NFATC1: variants seen among roughly 807,000 people sequenced by gnomAD.
NFATC1 encodes the protein nuclear factor of activated T-cells, cytoplasmic 1.
A neutral mutation model predicts 76.0 loss-of-function variants in NFATC1; 22 were observed. The ratio of observed to expected loss-of-function variants is 0.29; its 90% confidence interval spans 0.21 to 0.41. The LOEUF is 0.41. Among genes scored for constraint, NFATC1 ranks in the 10% least tolerant of loss-of-function variants. NFATC1 has a pLI of 1.00. For missense variants in NFATC1, 1,357 were observed against 1,337.7 expected (o/e 1.01, Z -0.23); for synonymous variants, 704 against 613.1 (o/e 1.15, Z -2.19).
intron 9 of NFATC1, among the ~76,000 whole-genome samples, chr18:79,492,601 C>T (rs946027120): frequency 2.0e-5 from 3 of 151,650 alleles, no homozygotes; most frequent in East Asian, 1.9e-4. Context: ...CCCAGCCACT[C>T]GGGAGGCTGA....
intron 1 of NFATC1, among the ~76,000 whole-genome samples, chr18:79,400,847 G>C (rs1237519304): frequency 2.8e-3 from 2 of 704 alleles, no homozygotes; most frequent in Non-Finnish European, 5.2e-3. Flanking sequence ...CCCCCCACCC[G>C]CCCCCCGACC....
chr18:79,493,611 C>G (rs2089764951), intron 9 of NFATC1: 1 of 152,248 alleles, frequency 6.6e-6, no homozygotes, highest in African/African-American at 2.4e-5. Flanking sequence ...CCTCGCCCGC[C>G]CCTCCTGAGC....
chr18:79,504,044 T>C (rs1190941596), intron 9 of NFATC1, among the ~76,000 whole-genome samples: 2 of 152,212 alleles, frequency 1.3e-5, no homozygotes, highest in African/African-American at 4.8e-5. Flanking sequence ...GGGAGTGTTG[T>C]GGCTGGTTCA....
intron 9 of NFATC1, among the ~76,000 whole-genome samples, chr18:79,495,005 G>T (rs917869769): frequency 1.0e-4 from 16 of 152,394 alleles, no homozygotes; most frequent in Middle Eastern, 3.4e-3. Context: ...GTGCGGCCGG[G>T]TGAGCATGGA....
In NFATC1 at chr18:79,486,718, A is replaced by T. The variant is rs2089510069; in HGVS notation, c.2563A>T (p.Thr855Ser). 6.3e-7 allele frequency: 1 copy of T among 1,597,394 alleles called. No individual in the cohort carries two copies. The highest frequency in any genetic ancestry group is 8.5e-7 in the Non-Finnish European group (1 of 1,174,510). ...CCCCTCTCCTCCACTCCCGCCTGCC[A>T]CCCAAGAGCCGACCTGCCTGCAGCC... Reference protein sequence around the residue: ...SSPSPPLPPATQEPTCLQPCS... With the variant: ...SSPSPPLPPASQEPTCLQPCS... Residue 855 changes from threonine (T) to serine (S), a missense_variant, in exon 9 of 10, where the codon ACC (threonine) becomes TCC (serine). This residue lies in a region of NFATC1 where 424 missense variants were observed against 395.4 expected (regional missense o/e 1.07). Coordinates refer to ENST00000427363, the MANE Select transcript of NFATC1 (RefSeq NM_001278669.2).
At chr18:79,469,189 A>G (rs2088672712) in intron 8 of NFATC1, 1 of 319,642 alleles carries the variant, frequency 3.1e-6, no homozygotes, top group African/African-American at 2.3e-5. Flanking sequence ...CTTTTTCTGA[A>G]AATATAATGA....
intron 6 of NFATC1, among the ~76,000 whole-genome samples, chr18:79,458,764 C>T (rs994982967): frequency 6.6e-6 from 1 of 152,222 alleles, no homozygotes; most frequent in African/African-American, 2.4e-5. Flanking sequence ...CGGGCCTCCA[C>T]GGAGCTGGGA....
intron 6 of NFATC1, among the ~76,000 whole-genome samples, chr18:79,455,855 A>T (rs1438992066): frequency 1.3e-5 from 2 of 151,810 alleles, no homozygotes; most frequent in African/African-American, 4.9e-5. Flanking sequence ...GCCTGTGGGC[A>T]GGCACTAGCC....
chr18:79,496,954 A>G (rs2089904609), intron 9 of NFATC1: 1 of 152,208 alleles, frequency 6.6e-6, no homozygotes, highest in Non-Finnish European at 1.5e-5. Context: ...GGAGCGCCCC[A>G]ACCCCAGCGC....
At chr18:79,403,294 A>T (rs2085328397) in intron 1 of NFATC1, among the ~76,000 whole-genome samples, 1 of 152,260 alleles carries the variant, frequency 6.6e-6, no homozygotes, top group Non-Finnish European at 1.5e-5. Context: ...AGCAGGTGCA[A>T]AGAATAGATA....
At position 79,410,460 on chromosome 18, in the gene NFATC1, A is replaced by ACTCCACCCTGCCGGCCCC; in HGVS notation, c.186_203dup (p.Ser63_Pro68dup). 6.2e-7 allele frequency: 1 copy of ACTCCACCCTGCCGGCCCC among 1,611,538 alleles called. No individual in the cohort carries two copies. Among genetic ancestry groups the ACTCCACCCTGCCGGCCCC allele is most frequent in the East Asian group, 2.2e-5 (1 of 44,818 alleles). ...CCCGCCCTGCCGCTCCCCACGGCGC[A>ACTCCACCCTGCCGGCCCC]CTCCACCCTGCCGGCCCCGTGCCAC... On this transcript the variant is annotated inframe_insertion, in exon 2 of 10. Coordinates refer to ENST00000427363, the MANE Select transcript of NFATC1 (RefSeq NM_001278669.2). This position sits in a 1 kb window ranked among gnomAD's most constrained non-coding sequence, Gnocchi z 6.7.
chr18:79,490,413 C>T (rs2089644791), intron 9 of NFATC1, among the ~76,000 whole-genome samples: 1 of 151,582 alleles, frequency 6.6e-6, no homozygotes, highest in Non-Finnish European at 1.5e-5. Flanking sequence ...GGTGCAGGCC[C>T]GGCTCTGGGT....
At chr18:79,432,822 A>C (rs1223537741) in intron 2 of NFATC1, among the ~76,000 whole-genome samples, 1 of 152,040 alleles carries the variant, frequency 6.6e-6, no homozygotes, top group Non-Finnish European at 1.5e-5. Context: ...CACGGGCAGG[A>C]CCTCACCTTA....
At chr18:79,520,785 GT>G (rs2090518804) in intron 9 of NFATC1, among the ~76,000 whole-genome samples, 1 of 83,956 alleles carries the variant, frequency 1.2e-5, no homozygotes, top group Non-Finnish European at 2.3e-5. Context: ...GTGTGTGTGT[GT>G]GGGGGGGCAT....
At chr18:79,513,110 A>G (rs919399137) in intron 9 of NFATC1, among the ~76,000 whole-genome samples, 14 of 152,212 alleles carry the variant, frequency 9.2e-5, no homozygotes, top group Non-Finnish European at 1.8e-4. Context: ...AAAAAGGAGC[A>G]CTGCCAGTAT....
At chr18:79,526,703 C>T (rs1037880084) in intron 9 of NFATC1, among the ~76,000 whole-genome samples, 5 of 152,172 alleles carry the variant, frequency 3.3e-5, no homozygotes, top group South Asian at 2.1e-4. Context: ...TAAAAATAGT[C>T]GGGGGTTGTT....
intron 7 of NFATC1, among the ~76,000 whole-genome samples, chr18:79,466,907 C>T (rs1210938217): frequency 6.6e-6 from 1 of 152,208 alleles, no homozygotes; most frequent in Admixed American, 6.5e-5. Flanking sequence ...GGCGGCGGAG[C>T]CTTGGGTCGT....
chr18:79,447,434 C>T (rs1208902966), intron 3 of NFATC1, among the ~76,000 whole-genome samples: 7 of 152,238 alleles, frequency 4.6e-5, no homozygotes, highest in African/African-American at 1.2e-4. Flanking sequence ...CTGCAGTTGC[C>T]GTCTGTGGTC....
intron 2 of NFATC1, among the ~76,000 whole-genome samples, chr18:79,427,563 TGCAGTGGGTCGGGGGGA>T: frequency 2.3e-5 from 1 of 42,576 alleles, no homozygotes; most frequent in African/African-American, 1.1e-4. Context: ...CTGGCCTCTG[TGCAGTGGGTCGGGGGGA>T]GCTGGATGGC....
Sources: gnomAD v4.1 joint callset for allele counts (sites outside exome capture counted in the v4.1 genomes callset) on GRCh38, gnomAD v4.1.1 for gene constraint, gnomAD v4.1.1 regional missense constraint, Gnocchi (gnomAD v3.1) non-coding constraint, MANE v1.5 for transcripts, NCBI Gene and HGNC (gene_info 2026-07-23, HGNC 2026-07-21) for gene names.